The following SSBP3 variants were observed in gnomAD, a reference collection of about 807,000 sequenced individuals.
SSBP3 encodes the protein single-stranded DNA-binding protein 3.
SSBP3 carries 5 observed loss-of-function variants against 69.6 expected under a neutral mutation model. The ratio of observed to expected loss-of-function variants is 0.07; its 90% CI spans 0.04 to 0.15. SSBP3 has a LOEUF of 0.15. Among genes scored for constraint, SSBP3 ranks in the 10% least tolerant of loss-of-function variants. The pLI is 1.00. For missense variants in SSBP3, 312 were observed against 534.0 expected, an observed-to-expected ratio of 0.58 and a Z score of 4.10; for synonymous variants, 196 against 193.4, an observed-to-expected ratio of 1.01 and a Z score of -0.11.
At chr1:54,401,880 G>A in exon 4 of SSBP3, 1 of 1,613,754 alleles carries the variant, frequency 6.2e-7, no homozygotes, top group Non-Finnish European at 8.5e-7. Context: ...AAAGGCTTTT[G>A]CTTCACTTGA....
At chr1:54,261,602 T>A (rs670812) in intron 5 of SSBP3, among the ~76,000 whole-genome samples, 148,083 of 152,228 alleles carry the variant, frequency 0.97, 72,039 homozygotes, top group East Asian at 1. Flanking sequence ...ATGCAGGACA[T>A]CTCTGGTGAG....
chr1:54,337,844 T>C (rs998589535), intron 4 of SSBP3, among the ~76,000 whole-genome samples: 1 of 152,028 alleles, frequency 6.6e-6, no homozygotes, highest in African/African-American at 2.4e-5. Flanking sequence ...AAAAATAAAA[T>C]CTGGCTGAGC....
intron 10 of SSBP3, 126 bp from the exon 11 acceptor site, chr1:54,242,338 T>C: frequency 3.7e-6 from 4 of 1,094,996 alleles, no homozygotes; most frequent in Admixed American, 4.0e-5. Flanking sequence ...GCCCTGCGGT[T>C]TAGAGCCTTC....
At chr1:54,259,076 G>A (rs961971502) in intron 5 of SSBP3, among the ~76,000 whole-genome samples, 10 of 152,046 alleles carry the variant, frequency 6.6e-5, no homozygotes, top group African/African-American at 1.9e-4. Flanking sequence ...ACTGCTGGGC[G>A]ACTGGGTGGG....
At chr1:54,335,325 A>C (rs867758320) in intron 4 of SSBP3, among the ~76,000 whole-genome samples, 1 of 152,244 alleles carries the variant, frequency 6.6e-6, no homozygotes, top group Non-Finnish European at 1.5e-5. Context: ...GATTTATTAC[A>C]TTCCGACAAT....
At chr1:54,276,085 A>T (rs1013619761) in intron 5 of SSBP3, among the ~76,000 whole-genome samples, 1 of 152,180 alleles carries the variant, frequency 6.6e-6, no homozygotes, top group Admixed American at 6.5e-5. Flanking sequence ...GGCAGGAATG[A>T]GGACTCAACG....
intron 14 of SSBP3, among the ~76,000 whole-genome samples, chr1:54,234,578 C>CT (rs1016657244): frequency 6.6e-6 from 1 of 151,832 alleles, no homozygotes; most frequent in African/African-American, 2.4e-5. Flanking sequence ...GACAGACACC[C>CT]TATCTCTAAA....
At chr1:54,368,288 CAAAAAAAAA>C (rs57721486) in intron 4 of SSBP3, among the ~76,000 whole-genome samples, 3 of 69,044 alleles carry the variant, frequency 4.3e-5, no homozygotes, top group African/African-American at 1.5e-4. Context: ...GACTCCATCT[CAAAAAAAAA>C]AAAAAAAAAA....
chr1:54,407,749 A>ATTT (rs532968816), upstream of SSBP3, among the ~76,000 whole-genome samples: 429 of 97,508 alleles, frequency 4.4e-3, 26 homozygotes, highest in African/African-American at 6.0e-3. Flanking sequence ...GCCTAGGTTG[A>ATTT]TTTTTTTTTT....
At chr1:54,293,875 GC>G (rs1645651042) in intron 4 of SSBP3, among the ~76,000 whole-genome samples, 1 of 152,038 alleles carries the variant, frequency 6.6e-6, no homozygotes, top group Non-Finnish European at 1.5e-5. Context: ...GGTGGCTCTC[GC>G]CTGTAATCCC....
rs1378693992 is a variant in SSBP3 at position 54,304,029 on chromosome 1, G to C, written c.277-22502C>G. On this transcript the variant is annotated intron_variant, in intron 4 of 17. Transcript: ENST00000610401. Reference sequence around the variant, plus strand: ...ACGAATGATGGGTAGCACGGAGACAGAGGACAGGAGACCGGAGAAGGTGGC... The same window carrying C: ...ACGAATGATGGGTAGCACGGAGACACAGGACAGGAGACCGGAGAAGGTGGC... Among the ~76,000 whole-genome samples, 10 of 152,296 alleles carry C rather than the reference G, an allele frequency of 6.6e-5. No homozygotes were observed. The South Asian group carries it at 2.1e-3, about 32-fold the overall frequency.
chr1:54,341,290 C>T (rs1569867501), intron 4 of SSBP3, among the ~76,000 whole-genome samples: 1 of 152,162 alleles, frequency 6.6e-6, no homozygotes, highest in African/African-American at 2.4e-5. Context: ...TGGGATGCTG[C>T]TAAGCACCCT....
rs933798811 is a variant in SSBP3 at position 54,294,175 on chromosome 1, G to A, written c.277-12648C>T. On this transcript the variant is annotated intron_variant, in intron 4 of 17. Transcript: ENST00000610401. The stretch of plus-strand genomic sequence containing the variant: ...AAAAAAAAAAAAAGAAAGAAAGAAA[G>A]AAAGAAAGAAAGAAAGAAAAGAAAA... Among the ~76,000 whole-genome samples the A allele has an allele frequency of 2.5e-3, 206 of 82,956 alleles. 2 individuals carry two copies. Among genetic ancestry groups the A allele is most frequent in the Middle Eastern group, 6.1e-3 (1 of 164 alleles). 54.4% of individuals were successfully genotyped at this position (82,956 alleles called of 152,430 possible).
At chr1:54,410,487 C>T (rs1452675018), upstream of SSBP3, among the ~76,000 whole-genome samples, 1 of 152,194 alleles carries the variant, frequency 6.6e-6, no homozygotes, top group East Asian at 1.9e-4. Flanking sequence ...TGCAAGCTCC[C>T]GCTGGGGGCT....
chr1:54,262,384 G>A (rs1304579445), intron 5 of SSBP3, among the ~76,000 whole-genome samples: 1 of 152,136 alleles, frequency 6.6e-6, no homozygotes, highest in African/African-American at 2.4e-5. Context: ...CTACAAGACT[G>A]CGAGCAGCAC....
chr1:54,285,203 A>G (rs892650084), intron 4 of SSBP3, among the ~76,000 whole-genome samples: 1 of 152,232 alleles, frequency 6.6e-6, no homozygotes, highest in Non-Finnish European at 1.5e-5. Flanking sequence ...ATAACAAAAA[A>G]CTTTAAAAAG....
At chr1:54,364,111 CCTTA>C (rs1646991483) in intron 4 of SSBP3, among the ~76,000 whole-genome samples, 1 of 152,220 alleles carries the variant, frequency 6.6e-6, no homozygotes, top group African/African-American at 2.4e-5. Flanking sequence ...GGCCCAAGGG[CCTTA>C]CTTATACCAC....
chr1:54,369,227 G>T (rs547043629), intron 4 of SSBP3, among the ~76,000 whole-genome samples: 18 of 147,134 alleles, frequency 1.2e-4, no homozygotes, highest in South Asian at 8.9e-4. Context: ...TCGGGGGGGG[G>T]GCCCAAGCCA....
chr1:54,380,641 G>C (rs1569997283), intron 4 of SSBP3, among the ~76,000 whole-genome samples: 1 of 152,136 alleles, frequency 6.6e-6, no homozygotes, highest in East Asian at 1.9e-4. Flanking sequence ...ACCTACGGAG[G>C]GGTATTCCAG....
Sources: gnomAD v4.1 joint callset for allele counts (sites outside exome capture counted in the v4.1 genomes callset) on GRCh38, gnomAD v4.1.1 for gene constraint, MANE v1.5 for transcripts, NCBI Gene and HGNC (gene_info 2026-07-23, HGNC 2026-07-21) for gene names.